Variants in PROSER1 observed in about 807,000 individuals in gnomAD.
PROSER1 encodes the protein proline and serine-rich protein 1.
Under a neutral mutation model 71.8 loss-of-function variants are expected in PROSER1, and 36 were observed. That is an observed-to-expected ratio of 0.50 (90% CI 0.38 to 0.66). The LOEUF is 0.66. Among genes scored for constraint, PROSER1 ranks in the 30% least tolerant of loss-of-function variants. The probability of loss-of-function intolerance (pLI) is 0.00; values close to 1 mark genes in which losing one functional copy is unlikely to be tolerated. For synonymous variants in PROSER1, 490 were observed against 452.4 expected, an observed-to-expected ratio of 1.08 and a Z score of -1.06; for missense variants, 1,107 against 1,135.0, an observed-to-expected ratio of 0.98 and a Z score of 0.35.
chr13:39,036,983 C>A (rs1049732520), intron 1 of PROSER1, among the ~76,000 whole-genome samples: 3 of 152,152 alleles, frequency 2.0e-5, no homozygotes, highest in African/African-American at 7.2e-5. Context: ...TCCCACGACA[C>A]CGTGCTGAGT....
chr13:39,013,622 G>A lies in PROSER1; in HGVS notation c.1630C>T (p.Pro544Ser), dbSNP rs772162966. 3 of 1,614,068 alleles carry A rather than the reference G, an allele frequency of 1.9e-6. No homozygotes were observed. The highest frequency in any genetic ancestry group is 1.3e-5 in the African/African-American group (1 of 74,926). Residue 544 changes from proline to serine, a missense_variant, in exon 11 of 13, where the codon CCC (proline) becomes TCC (serine). Transcript: ENST00000352251. ...GLALFPGLPS[P>S]VANSTSTPLT... ...GGAGTGGAAGTTGAGTTAGCCACGG[G>A]AGACGGCAGGCCTGGGAACAGGGCC...
At position 39,013,644 on chromosome 13, in the gene PROSER1, G is replaced by A. The variant is rs201069353; in HGVS notation, c.1608C>T (p.Ala536=). The part of the protein sequence containing the change: ...TPQRTSTPGL[A]LFPGLPSPVA... ...CGGGAGACGGCAGGCCTGGGAACAGGGCCAACCCTGGAGTGGAAGTCCTCT... is the reference window on the plus strand; with the variant it reads ...CGGGAGACGGCAGGCCTGGGAACAGAGCCAACCCTGGAGTGGAAGTCCTCT... Residue 536 remains alanine, a synonymous_variant, in exon 11 of 13, where the codon GCC becomes GCT. Transcript: ENST00000352251. The A allele has an allele frequency of 1.4e-5, 23 of 1,614,124 alleles. No homozygotes were observed. In the East Asian group the frequency reaches 4.2e-4, roughly 30 times the overall value.
intron 3 of PROSER1, 87 bp downstream of exon 3, chr13:39,031,476 A>G (rs1276098227): frequency 9.9e-7 from 1 of 1,005,862 alleles, no homozygotes; most frequent in Non-Finnish European, 1.5e-6. Flanking sequence ...TAATGCAAAT[A>G]AATTACAACT....
chr13:39,026,399 G>C lies in PROSER1; in HGVS notation c.370-12C>G, dbSNP rs763337490. On this transcript the variant is annotated splice_polypyrimidine_tract_variant and intron_variant, in intron 5 of 12. Coordinates refer to ENST00000352251, the MANE Select transcript of PROSER1 (RefSeq NM_025138.5). ...CCCCCCTTGAAAGCCTGTAATATAAGAAAGAAGAGGGGTAGGAAAAAAATT... is the reference window on the plus strand; with the variant it reads ...CCCCCCTTGAAAGCCTGTAATATAACAAAGAAGAGGGGTAGGAAAAAAATT... The C allele has an allele frequency of 9.6e-6, 15 of 1,562,308 alleles. No homozygotes were observed. Among genetic ancestry groups the C allele is most frequent in the South Asian group, 3.4e-5 (3 of 87,254 alleles).
Position 39,012,036 on chromosome 13 carries a change from T to C in PROSER1, c.2712+47A>G, listed in dbSNP as rs148576242. On this transcript the variant is annotated intron_variant, in intron 12 of 12. Coordinates refer to ENST00000352251, the MANE Select transcript of PROSER1 (RefSeq NM_025138.5). ...ACTGCAATGTTATCACTACAGAAGT[T>C]AGTTATACATGTTACCATGTAATTT... The C allele has an allele frequency of 2.4e-5, 38 of 1,575,556 alleles. No homozygotes were observed. The East Asian group carries it at 7.4e-4, about 31-fold the overall frequency.
At position 39,029,338 on chromosome 13, in the gene PROSER1, A is replaced by G; in HGVS notation, c.218T>C (p.Ile73Thr). 1 of 1,537,136 alleles carries G rather than the reference A, an allele frequency of 6.5e-7. No individual in the cohort carries two copies. The highest frequency in any genetic ancestry group is 8.7e-7 in the Non-Finnish European group (1 of 1,148,390). The change falls in exon 4 of 13, where the codon ATA becomes ACA. Residue 73 changes from isoleucine (I) to threonine (T), a missense_variant. By Grantham distance (89) the Ile-to-Thr change is moderately conservative. Coordinates refer to ENST00000352251, the MANE Select transcript of PROSER1 (RefSeq NM_025138.5). ...VAVQPTEVVN[I>T]LNCFTFSKDK... Reference sequence around the variant, plus strand: ...TTTACTGAAAGTGAAACAGTTGAGTATATTGACCACTTCTGTTGGCTGGAC... The same window carrying G: ...TTTACTGAAAGTGAAACAGTTGAGTGTATTGACCACTTCTGTTGGCTGGAC...
chr13:39,017,584 C>A, intron 9 of PROSER1, 40 bp from the exon 10 acceptor site: 1 of 1,044,994 alleles, frequency 9.6e-7, no homozygotes, highest in South Asian at 1.5e-5. Flanking sequence ...AAACTTTAAT[C>A]AAATATTTGC....
chr13:39,014,856 C>T (rs1331963271), intron 10 of PROSER1, among the ~76,000 whole-genome samples: 3 of 152,132 alleles, frequency 2.0e-5, no homozygotes, highest in Non-Finnish European at 2.9e-5. Context: ...CAGTCAGTCC[C>T]CCTCATAGGA....
Position 39,011,448 on chromosome 13 carries a change from G to A in PROSER1, c.2752C>T (p.Pro918Ser). 2 of 1,614,056 alleles carry A rather than the reference G, an allele frequency of 1.2e-6. No individual in the cohort carries two copies. The highest frequency in any genetic ancestry group is 1.3e-5 in the African/African-American group (1 of 75,056). Residue 918 changes from proline (P) to serine (S), a missense_variant, in exon 13 of 13, where the codon CCT becomes TCT. Physicochemically the swap from Pro to Ser is moderately conservative, Grantham distance 74. Coordinates refer to ENST00000352251, the MANE Select transcript of PROSER1 (RefSeq NM_025138.5). Reference sequence around the variant, plus strand: ...GAAGGATAACTAGGAAACCCATCAGGCTGAGCTGGATAGCTTTCCAGAGCC... The same window carrying A: ...GAAGGATAACTAGGAAACCCATCAGACTGAGCTGGATAGCTTTCCAGAGCC... ...ASALESYPAQ[P>S]DGFPSYPSAP...
intron 5 of PROSER1, among the ~76,000 whole-genome samples, chr13:39,026,704 T>C (rs1053615959): frequency 6.6e-6 from 1 of 152,122 alleles, no homozygotes; most frequent in East Asian, 1.9e-4. Context: ...TAGCAAGAAA[T>C]AACAGTTCAA....
chr13:39,023,020 A>T (rs1369517648), intron 8 of PROSER1, 32 bp downstream of exon 8: 1 of 1,563,044 alleles, frequency 6.4e-7, no homozygotes, highest in Non-Finnish European at 8.8e-7. Flanking sequence ...AGCAAAAAAG[A>T]AAAACAAGTA....
chr13:39,036,481 T>C (rs1871110874), intron 1 of PROSER1, among the ~76,000 whole-genome samples: 2 of 152,138 alleles, frequency 1.3e-5, no homozygotes, highest in Admixed American at 6.5e-5. Context: ...GATGTAACAA[T>C]GGTACATCAA....
Position 39,013,426 on chromosome 13 carries a change from G to A in PROSER1, c.1826C>T (p.Thr609Ile). 6.2e-7 allele frequency: 1 copy of A among 1,614,174 alleles called. No homozygotes were observed. The highest frequency in any genetic ancestry group is 8.5e-7 in the Non-Finnish European group (1 of 1,180,030). The change falls in exon 11 of 13, where the codon ACT becomes ATT. Residue 609 changes from threonine (T) to isoleucine (I), a missense_variant. Thr to Ile is a moderately conservative substitution (Grantham distance 89). Transcript: ENST00000352251. ...AATTLPVMIKTEPTSPTPSAF... is the reference protein window; with the variant it reads ...AATTLPVMIKIEPTSPTPSAF... ...CGAGGGAGTAGGACTTGTGGGCTCA[G>A]TTTTGATCATAACAGGAAGAGTTGT...
In PROSER1 at chr13:39,011,320, G is replaced by T. The variant is rs1869640756; in HGVS notation, c.*45C>A. ...GTCAGATTGTTCATTGCAGTTCTCA[G>T]GCAATTCTGATGTTGCTCTGAAGGA... On this transcript the variant is annotated 3_prime_UTR_variant, in exon 13 of 13. Coordinates refer to ENST00000352251, the MANE Select transcript of PROSER1 (RefSeq NM_025138.5). 1.2e-6 allele frequency: 2 copies of T among 1,601,472 alleles called. No individual in the cohort carries two copies. Among genetic ancestry groups the T allele is most frequent in the South Asian group, 2.2e-5 (2 of 90,322 alleles).
chr13:39,028,447 A>G (rs1430715984), intron 4 of PROSER1, 127 bp from the exon 5 acceptor site: 4 of 484,198 alleles, frequency 8.3e-6, no homozygotes, highest in Non-Finnish European at 1.5e-5. Flanking sequence ...AAGTGTGACT[A>G]TTTACTTTTA....
chr13:39,037,146 TA>T lies in PROSER1; in HGVS notation c.45+51del, dbSNP rs1871153367. 2.2e-6 allele frequency: 3 copies of T among 1,365,166 alleles called. No homozygotes were observed. The South Asian group carries it at 3.5e-5, about 16-fold the overall frequency. 84.6% of individuals were successfully genotyped at this position (1,365,166 alleles called of 1,614,324 possible). A position where few individuals can be genotyped will look rare whatever the true frequency, so the allele number is the denominator to read the frequency against. On this transcript the variant is annotated intron_variant, in intron 1 of 12. Transcript: ENST00000352251. ...TCCATACAGTACCTCAAAGAGAGTC[TA>T]AAACACGAGAATTCATCTCATAAAA...
chr13:39,026,428 A>G (rs374054647), intron 5 of PROSER1, 41 bp from the exon 6 acceptor site: 62 of 1,315,504 alleles, frequency 4.7e-5, no homozygotes, highest in Non-Finnish European at 6.4e-5. Flanking sequence ...AAAAATTCTT[A>G]AAAGATAAGT....
intron 5 of PROSER1, among the ~76,000 whole-genome samples, chr13:39,027,507 T>C (rs1870603538): frequency 6.6e-6 from 1 of 152,164 alleles, no homozygotes; most frequent in African/African-American, 2.4e-5. Context: ...AGCAGTAATA[T>C]GCATGTTGCC....
chr13:39,012,038 G>C, intron 12 of PROSER1, 45 bp downstream of exon 12: 2 of 1,575,926 alleles, frequency 1.3e-6, no homozygotes, highest in Non-Finnish European at 1.7e-6. Flanking sequence ...ACAGAAGTTA[G>C]TTATACATGT....
Sources: allele counts gnomAD v4.1 joint callset (sites outside exome capture counted in the v4.1 genomes callset), GRCh38; gene constraint gnomAD v4.1.1; transcripts MANE v1.5; gene names NCBI Gene and HGNC (gene_info 2026-07-23, HGNC 2026-07-21).